The following MIPEP variants were observed in gnomAD, a reference collection of about 807,000 sequenced individuals.
The protein encoded by MIPEP is mitochondrial intermediate peptidase.
MIPEP carries 79 observed loss-of-function variants against 90.3 expected under a neutral mutation model. That is an observed-to-expected ratio of 0.87 (90% CI 0.73 to 1.05). The LOEUF (loss-of-function observed/expected upper bound fraction) is 1.05. Ranked by LOEUF, MIPEP falls within the 50% of genes least tolerant of loss-of-function variation. The probability of loss-of-function intolerance (pLI) is 0.00; values close to 1 mark genes in which losing one functional copy is unlikely to be tolerated. For synonymous variants in MIPEP, 334 were observed against 315.8 expected (o/e 1.06, Z -0.61); for missense variants, 940 against 905.6 (o/e 1.04, Z -0.49).
Position 23,806,041 on chromosome 13 carries a change from T to C in MIPEP, c.1757A>G (p.Tyr586Cys), listed in dbSNP as rs1953103102. 6.2e-7 allele frequency: 1 copy of C among 1,613,568 alleles called. No homozygotes were observed. Among genetic ancestry groups the C allele is most frequent in the Non-Finnish European group, 8.5e-7 (1 of 1,179,554 alleles). The change falls in exon 16 of 19, where the codon TAC becomes TGC. Residue 586 changes from tyrosine (Y) to cysteine (C), a missense_variant. Physicochemically the swap from Tyr to Cys is radical, Grantham distance 194 (BLOSUM62 -2). Transcript: ENST00000382172. ...ATTCCTCAGGGGATGCTTCCCATGGTAGATTTGATCCAGAGTGGCATAAAA... is the reference window on the plus strand; with the variant it reads ...ATTCCTCAGGGGATGCTTCCCATGGCAGATTTGATCCAGAGTGGCATAAAA... ...QVFYATLDQI[Y>C]HGKHPLRNST...
chr13:23,845,164 T>C (rs751845988), intron 10 of MIPEP, among the ~76,000 whole-genome samples: 14 of 152,216 alleles, frequency 9.2e-5, no homozygotes, highest in Non-Finnish European at 8.8e-5. Flanking sequence ...ATCAATGATA[T>C]GTATTTTTAC....
chr13:23,746,090 C>A (rs1407369622), intron 18 of MIPEP, among the ~76,000 whole-genome samples: 1 of 148,266 alleles, frequency 6.7e-6, no homozygotes, highest in Non-Finnish European at 1.5e-5. Context: ...TCTTGGCTCA[C>A]TGCAACATCT....
At chr13:23,831,386 G>GGGAC (rs1555237533) in intron 14 of MIPEP, among the ~76,000 whole-genome samples, 4 of 69,416 alleles carry the variant, frequency 5.8e-5, no homozygotes, top group Admixed American at 1.9e-4. Context: ...CCCATGGCGG[G>GGGAC]GGGGGGATGT....
intron 16 of MIPEP, among the ~76,000 whole-genome samples, chr13:23,765,678 G>A (rs764857506): frequency 6.6e-6 from 1 of 152,146 alleles, no homozygotes; most frequent in African/African-American, 2.4e-5. Flanking sequence ...CTGCAGTACT[G>A]GAAGCACAAC....
intron 14 of MIPEP, 31 bp from the exon 15 acceptor site, chr13:23,809,955 TA>T: frequency 7.1e-7 from 1 of 1,414,088 alleles, no homozygotes; most frequent in Non-Finnish European, 1.0e-6. Context: ...TATATGTGAG[TA>T]AACTGCGTAA....
intron 16 of MIPEP, among the ~76,000 whole-genome samples, chr13:23,762,860 A>G (rs189807508): frequency 2.0e-3 from 311 of 152,326 alleles, no homozygotes; most frequent in African/African-American, 7.3e-3. Flanking sequence ...AGGCTGCTGG[A>G]GGTGCAACAG....
At chr13:23,784,399 C>A (rs1278172560) in intron 16 of MIPEP, among the ~76,000 whole-genome samples, 1 of 151,120 alleles carries the variant, frequency 6.6e-6, no homozygotes, top group African/African-American at 2.4e-5. Flanking sequence ...AGGATTCCCT[C>A]TTTAATAAAT....
At chr13:23,861,791 A>G (rs1870318397) in intron 9 of MIPEP, among the ~76,000 whole-genome samples, 1 of 152,188 alleles carries the variant, frequency 6.6e-6, no homozygotes, top group Admixed American at 6.5e-5. Context: ...ACTTGTCTAT[A>G]CTCTTGGATC....
At chr13:23,869,877 C>T in intron 6 of MIPEP, 136 bp downstream of exon 6, 4 of 533,162 alleles carry the variant, frequency 7.5e-6, no homozygotes, top group East Asian at 3.3e-5. Context: ...TTAATAATTC[C>T]ACAAGTTAAA....
At chr13:23,844,886 G>A (rs1289789594) in intron 10 of MIPEP, among the ~76,000 whole-genome samples, 2 of 152,058 alleles carry the variant, frequency 1.3e-5, no homozygotes, top group African/African-American at 4.8e-5. Flanking sequence ...ACCCTAAAAT[G>A]ATTGGGAACA....
chr13:23,794,807 T>C (rs1400815482), intron 16 of MIPEP, among the ~76,000 whole-genome samples: 1 of 152,174 alleles, frequency 6.6e-6, no homozygotes, highest in Non-Finnish European at 1.5e-5. Flanking sequence ...GTTGCAGCTG[T>C]CCCACAAACT....
At chr13:23,791,059 G>A (rs1440841305) in intron 16 of MIPEP, among the ~76,000 whole-genome samples, 1 of 151,990 alleles carries the variant, frequency 6.6e-6, no homozygotes, top group African/African-American at 2.4e-5. Flanking sequence ...ATCCCACTGG[G>A]ACCTCACAAT....
chr13:23,754,944 G>T (rs1952476398), intron 18 of MIPEP, among the ~76,000 whole-genome samples: 1 of 152,232 alleles, frequency 6.6e-6, no homozygotes, highest in Admixed American at 6.5e-5. Flanking sequence ...AGCTTGGTCT[G>T]CTTGCTGCCT....
chr13:23,803,921 T>C (rs1255139276), intron 16 of MIPEP, among the ~76,000 whole-genome samples: 3 of 152,230 alleles, frequency 2.0e-5, no homozygotes, highest in African/African-American at 7.2e-5. Context: ...CTATGCTTCT[T>C]TTAAAGACCT....
chr13:23,780,142 G>A (rs1294555586), intron 16 of MIPEP, among the ~76,000 whole-genome samples: 7 of 152,182 alleles, frequency 4.6e-5, no homozygotes, highest in African/African-American at 1.4e-4. Context: ...ATCTGAGAAC[G>A]GACAGACTGC....
chr13:23,810,124 T>C (rs1375750050), intron 14 of MIPEP, among the ~76,000 whole-genome samples, 200 bp from the exon 15 acceptor site: 2 of 152,326 alleles, frequency 1.3e-5, no homozygotes, highest in East Asian at 3.9e-4. Context: ...CAAAAAGTGG[T>C]AATTGTCAAA....
chr13:23,886,735 A>G (rs1871498498), intron 1 of MIPEP, among the ~76,000 whole-genome samples: 1 of 152,018 alleles, frequency 6.6e-6, no homozygotes, highest in Non-Finnish European at 1.5e-5. Flanking sequence ...TATTTTCCGG[A>G]AAAAACAACA....
intron 14 of MIPEP, among the ~76,000 whole-genome samples, chr13:23,832,208 G>C (rs1868802290): frequency 6.6e-6 from 1 of 152,120 alleles, no homozygotes; most frequent in Non-Finnish European, 1.5e-5. Context: ...AGAAGAGGAA[G>C]AGAGACCTGA....
rs575933290 is a variant in MIPEP at position 23,759,871 on chromosome 13, C to T, written c.1970+225G>A. On this transcript the variant is annotated intron_variant, in intron 17 of 18. Transcript: ENST00000382172. Reference sequence around the variant, plus strand: ...CCACACAGCCACCTCTACACAGTGGCTGCAGGGTAGGGGGATGTCCAGGGC... The same window carrying T: ...CCACACAGCCACCTCTACACAGTGGTTGCAGGGTAGGGGGATGTCCAGGGC... 4.2e-3 allele frequency among the ~76,000 whole-genome samples: 634 copies of T among 152,268 alleles called. 2 individuals are homozygous for T. The highest frequency in any genetic ancestry group is 0.025 in the South Asian group (121 of 4,826).
Sources: allele counts gnomAD v4.1 joint callset (sites outside exome capture counted in the v4.1 genomes callset), GRCh38; gene constraint gnomAD v4.1.1; transcripts MANE v1.5; gene names NCBI Gene and HGNC (gene_info 2026-07-23, HGNC 2026-07-21).